Variants in SLC38A1 observed in about 807,000 individuals in gnomAD.
SLC38A1 encodes the protein sodium-coupled neutral amino acid symporter 1.
SLC38A1 carries 18 observed loss-of-function variants against 60.3 expected under a neutral mutation model. That is an observed-to-expected ratio of 0.30 (90% CI 0.21 to 0.44). SLC38A1 has a LOEUF of 0.44. Ranked by LOEUF, SLC38A1 falls within the 20% of genes least tolerant of loss-of-function variation. The pLI, the probability that SLC38A1 is intolerant of heterozygous loss-of-function variation, is 1.00. For synonymous variants in SLC38A1, 196 were observed against 212.1 expected (o/e 0.92, Z 0.66); for missense variants, 448 against 587.2 (o/e 0.76, Z 2.45).
rs1223986916 is a variant in SLC38A1 at position 46,188,766 on chromosome 12, C to G, written c.*204G>C. On this transcript the variant is annotated 3_prime_UTR_variant, in exon 17 of 17. Coordinates refer to ENST00000398637, the MANE Select transcript of SLC38A1 (RefSeq NM_030674.4). ...AAATTTGAAAAAAAAATTTCACAAT[C>G]CCTAAATTGATCTCAAATCTTGGAG... is the stretch of plus-strand genomic sequence containing the variant. 6 of 465,148 alleles carry G rather than the reference C, an allele frequency of 1.3e-5. No homozygotes were observed. Among genetic ancestry groups the G allele is most frequent in the Non-Finnish European group, 2.3e-5 (6 of 258,942 alleles). 28.8% of individuals were successfully genotyped at this position (465,148 alleles called of 1,614,324 possible).
chr12:46,215,710 C>T (rs1002367571), intron 5 of SLC38A1, among the ~76,000 whole-genome samples: 1 of 152,138 alleles, frequency 6.6e-6, no homozygotes. Flanking sequence ...TTTTCAACCT[C>T]CCCTCCCCCA....
intron 2 of SLC38A1, among the ~76,000 whole-genome samples, chr12:46,240,506 CT>C (rs933614100): frequency 6.6e-6 from 1 of 152,178 alleles, no homozygotes. Context: ...TGAAGCAGTG[CT>C]TTTAAAATGA....
intron 8 of SLC38A1, among the ~76,000 whole-genome samples, chr12:46,206,762 C>A (rs1186081563): frequency 6.6e-6 from 1 of 152,176 alleles, no homozygotes; most frequent in Admixed American, 6.5e-5. Context: ...GAGGTTGGCT[C>A]ATGTAAATTT....
In SLC38A1 at chr12:46,191,043, T is replaced by C. The variant is rs143926291; in HGVS notation, c.1363-1972A>G. ...CCTGAATGGTATTGCCTAGGTTTTCTTCTAGGGTTGTTATGGTGTTAGGTC... is the reference window on the plus strand; with the variant it reads ...CCTGAATGGTATTGCCTAGGTTTTCCTCTAGGGTTGTTATGGTGTTAGGTC... On this transcript the variant is annotated intron_variant, in intron 16 of 16. Transcript: ENST00000398637. Among the ~76,000 whole-genome samples the C allele has an allele frequency of 6.7e-3, 1,017 of 152,322 alleles. 7 individuals carry two copies. The highest frequency in any genetic ancestry group is 0.023 in the African/African-American group (950 of 41,570).
chr12:46,249,907 G>A (rs1469435772), intron 1 of SLC38A1, among the ~76,000 whole-genome samples: 2 of 152,154 alleles, frequency 1.3e-5, no homozygotes, highest in Admixed American at 6.5e-5. Flanking sequence ...TCTACCAGAG[G>A]TACAAAGAGG....
intron 1 of SLC38A1, among the ~76,000 whole-genome samples, chr12:46,255,506 T>C (rs1364019506): frequency 6.6e-6 from 1 of 152,218 alleles, no homozygotes; most frequent in Non-Finnish European, 1.5e-5. Flanking sequence ...CTTTATTCTA[T>C]CTAACTGAAA....
At position 46,187,157 on chromosome 12, in the gene SLC38A1, C is replaced by A. The variant is rs905802269; in HGVS notation, c.*1813G>T. ...ATGCAGGAAATAACCTTTCATTCTC[C>A]CCCCTAGAGGATCACGACAGGTGCT... On this transcript the variant is annotated 3_prime_UTR_variant, in exon 17 of 17. Transcript: ENST00000398637. 2.0e-5 allele frequency: 3 copies of A among 152,160 alleles called. No homozygotes were observed. The highest frequency in any genetic ancestry group is 7.2e-5 in the African/African-American group (3 of 41,426). The allele number at this position is 152,160 out of a possible 1,614,324, so 9.4% of individuals were successfully genotyped here.
chr12:46,234,690 G>A (rs907691488), intron 3 of SLC38A1, among the ~76,000 whole-genome samples: 13 of 151,890 alleles, frequency 8.6e-5, no homozygotes, highest in Admixed American at 2.0e-4. Flanking sequence ...CTCGTGATCC[G>A]CCCGCCTCGG....
chr12:46,204,614 A>G, intron 9 of SLC38A1, 24 bp from the exon 10 acceptor site: 1 of 1,561,048 alleles, frequency 6.4e-7, no homozygotes, highest in Non-Finnish European at 8.7e-7. Flanking sequence ...TAAAAAATAA[A>G]TTATTTCATT....
chr12:46,205,372 T>C (rs1939848852), intron 9 of SLC38A1, among the ~76,000 whole-genome samples: 1 of 152,012 alleles, frequency 6.6e-6, no homozygotes, highest in South Asian at 2.1e-4. Context: ...AACAAAAAAC[T>C]AAGGCTCATA....
intron 5 of SLC38A1, among the ~76,000 whole-genome samples, chr12:46,218,457 T>C (rs1158354392): frequency 6.6e-6 from 1 of 152,174 alleles, no homozygotes; most frequent in Non-Finnish European, 1.5e-5. Context: ...ATTTTCCCAT[T>C]CTGTTTTTGT....
At position 46,189,000 on chromosome 12, in the gene SLC38A1, G is replaced by C; in HGVS notation, c.1434C>G (p.Ala478=). The stretch of plus-strand genomic sequence containing the variant: ...GGCCTTCGTCACTACTCGATGAGCA[G>C]GCCCAGTCATAGATGACCAAGGGAA... ...VSIPLVIYDW[A]CSSSSDEGH is the part of the protein sequence containing the mutation. The change falls in exon 17 of 17, where the codon GCC becomes GCG. Residue 478 remains alanine (A), a synonymous_variant. Coordinates refer to ENST00000398637, the MANE Select transcript of SLC38A1 (RefSeq NM_030674.4). 1.2e-6 allele frequency: 2 copies of C among 1,613,608 alleles called. No individual in the cohort carries two copies. The highest frequency in any genetic ancestry group is 1.7e-4 in the Middle Eastern group (1 of 6,058).
chr12:46,228,516 T>G (rs1354839131), intron 5 of SLC38A1, among the ~76,000 whole-genome samples: 1 of 152,224 alleles, frequency 6.6e-6, no homozygotes, highest in Non-Finnish European at 1.5e-5. Flanking sequence ...GGAATCAGGC[T>G]GGGCGAGAAT....
At chr12:46,225,156 C>T (rs543045349) in intron 5 of SLC38A1, among the ~76,000 whole-genome samples, 1 of 152,224 alleles carries the variant, frequency 6.6e-6, no homozygotes, top group South Asian at 2.1e-4. Context: ...CATAAATCGG[C>T]AGTGGAAAAA....
At chr12:46,193,884 T>C (rs774633633) in intron 16 of SLC38A1, among the ~76,000 whole-genome samples, 1 of 152,234 alleles carries the variant, frequency 6.6e-6, no homozygotes, top group Non-Finnish European at 1.5e-5. Flanking sequence ...CAACTGTTTA[T>C]CAAATTTGCC....
In SLC38A1 at chr12:46,236,933, G is replaced by C. The variant is rs572261953; in HGVS notation, c.122+2746C>G. Among the ~76,000 whole-genome samples, 41 of 152,246 alleles carry C rather than the reference G, an allele frequency of 2.7e-4. No individual in the cohort carries two copies. The South Asian group carries it at 8.1e-3, about 30-fold the overall frequency. On this transcript the variant is annotated intron_variant, in intron 3 of 16. Transcript: ENST00000398637. ...CACTGGTCTAATGGATATTTTAAAA[G>C]GTATTGCCATTCCAGGTATAGGTTT...
intron 7 of SLC38A1, 49 bp from the exon 8 acceptor site, chr12:46,207,285 TTGCA>T: frequency 2.0e-6 from 3 of 1,493,736 alleles, no homozygotes; most frequent in Non-Finnish European, 2.8e-6. Flanking sequence ...AAGGCTTATG[TTGCA>T]AGCTACATAA....
chr12:46,221,361 C>A (rs981015643), intron 5 of SLC38A1, among the ~76,000 whole-genome samples: 1 of 152,140 alleles, frequency 6.6e-6, no homozygotes, highest in Admixed American at 6.5e-5. Context: ...CCAACCTCAT[C>A]TAGTATTTCT....
chr12:46,255,338 G>C (rs1436573061), intron 1 of SLC38A1, among the ~76,000 whole-genome samples: 1 of 152,122 alleles, frequency 6.6e-6, no homozygotes, highest in Non-Finnish European at 1.5e-5. Flanking sequence ...TCATGAGAAG[G>C]TTTTTCCTCT....
Sources: gnomAD v4.1 joint callset for allele counts (sites outside exome capture counted in the v4.1 genomes callset) on GRCh38, gnomAD v4.1.1 for gene constraint, MANE v1.5 for transcripts, NCBI Gene and HGNC (gene_info 2026-07-23, HGNC 2026-07-21) for gene names.